Variants in FRYL observed in about 807,000 individuals in gnomAD.
FRYL encodes the protein FRY like transcription coactivator.
A neutral mutation model predicts 351.2 loss-of-function variants in FRYL; 150 were observed. The ratio of observed to expected loss-of-function variants is 0.43; its 90% confidence interval spans 0.37 to 0.49. The LOEUF is 0.49. Ranked by LOEUF, FRYL falls within the 20% of genes least tolerant of loss-of-function variation. The probability of loss-of-function intolerance (pLI) is 0.00; values close to 1 mark genes in which losing one functional copy is unlikely to be tolerated. For missense variants in FRYL, 3,036 were observed against 3,619.3 expected, an observed-to-expected ratio of 0.84 and a Z score of 4.13; for synonymous variants, 1,153 against 1,257.1, an observed-to-expected ratio of 0.92 and a Z score of 1.75.
chr4:48,759,981 A>T (rs1774233777), intron 1 of FRYL, among the ~76,000 whole-genome samples: 1 of 152,216 alleles, frequency 6.6e-6, no homozygotes, highest in Non-Finnish European at 1.5e-5. Context: ...GCACTATGTT[A>T]TGTGCATCCT....
Position 48,549,368 on chromosome 4 carries a change from T to C in FRYL, c.4784+105A>G. 2 of 970,156 alleles carry C rather than the reference T, an allele frequency of 2.1e-6. No homozygotes were observed. Among genetic ancestry groups the C allele is most frequent in the Admixed American group, 2.9e-5 (1 of 34,222 alleles). 60.1% of individuals were successfully genotyped at this position (970,156 alleles called of 1,614,324 possible). The stretch of plus-strand genomic sequence containing the variant: ...ATTGATCTGTGTTGCAGTATCTCCA[T>C]AAAGAAGATTGCTTTCATTCTGTGT... On this transcript the variant is annotated intron_variant, in intron 39 of 63. Transcript: ENST00000358350. The surrounding 1 kb of genome is among the most constrained non-coding windows in gnomAD (Gnocchi z 4.2).
chr4:48,626,401 G>A (rs1307967419), intron 4 of FRYL, among the ~76,000 whole-genome samples: 1 of 151,924 alleles, frequency 6.6e-6, no homozygotes, highest in African/African-American at 2.4e-5. Context: ...TTTTTGTTCT[G>A]TTAAACAAAA....
At chr4:48,592,216 C>A (rs1266397934) in intron 16 of FRYL, among the ~76,000 whole-genome samples, 1 of 151,300 alleles carries the variant, frequency 6.6e-6, no homozygotes, top group Non-Finnish European at 1.5e-5. Flanking sequence ...TCACATGTCA[C>A]ATAGTCAAAG....
intron 3 of FRYL, among the ~76,000 whole-genome samples, chr4:48,650,918 G>A (rs994870152): frequency 3.9e-5 from 6 of 152,144 alleles, no homozygotes; most frequent in African/African-American, 7.2e-5. Context: ...GTCAAGGACC[G>A]AAAGGGGTTG....
intron 1 of FRYL, among the ~76,000 whole-genome samples, chr4:48,712,175 C>A (rs187129952): frequency 1.3e-5 from 2 of 152,160 alleles, no homozygotes; most frequent in East Asian, 1.9e-4. Context: ...CCTCCTCCAA[C>A]GGAACGCAGT....
At chr4:48,771,915 A>G (rs1423160176) in intron 1 of FRYL, among the ~76,000 whole-genome samples, 1 of 152,250 alleles carries the variant, frequency 6.6e-6, no homozygotes, top group African/African-American at 2.4e-5. Flanking sequence ...AACAGTTAAC[A>G]ATAAAGTAAT....
At chr4:48,775,404 A>C (rs1253435016) in intron 1 of FRYL, among the ~76,000 whole-genome samples, 1 of 152,222 alleles carries the variant, frequency 6.6e-6, no homozygotes, top group Non-Finnish European at 1.5e-5. Context: ...CTATAGATGC[A>C]GTTCTCAAAA....
At chr4:48,580,418 A>G (rs1740636345) in intron 22 of FRYL, 1 of 157,230 alleles carries the variant, frequency 6.4e-6, no homozygotes, top group African/African-American at 2.4e-5. Context: ...ATAAAACACT[A>G]TGTACTTAAT....
intron 4 of FRYL, among the ~76,000 whole-genome samples, chr4:48,632,091 A>AAT (rs1560753223): frequency 5.6e-3 from 130 of 23,378 alleles, no homozygotes; most frequent in African/African-American, 0.013. Context: ...AAAAAAAAAA[A>AAT]ATATATATAT....
chr4:48,516,799 A>G (rs1723718916), intron 55 of FRYL, among the ~76,000 whole-genome samples: 1 of 152,194 alleles, frequency 6.6e-6, no homozygotes, highest in African/African-American at 2.4e-5. Context: ...AGTATGGTAA[A>G]TGTACGGTAA....
rs552315330 is a variant in FRYL, at chr4:48,674,456, G to A, written c.-81+10217C>T. On this transcript the variant is annotated intron_variant, in intron 3 of 63. Coordinates refer to ENST00000358350, the MANE Select transcript of FRYL (RefSeq NM_015030.2). Reference sequence around the variant, plus strand: ...TCATTTTGATTTCTTTATTAAGTAGGAATAGCAAATAAATGATTTCTCTTA... The same window carrying A: ...TCATTTTGATTTCTTTATTAAGTAGAAATAGCAAATAAATGATTTCTCTTA... Among the ~76,000 whole-genome samples the A allele has an allele frequency of 2.2e-4, 34 of 152,202 alleles. No homozygotes were observed. The South Asian group carries it at 4.4e-3, about 20-fold the overall frequency.
chr4:48,619,776 G>A (rs1750282544), intron 6 of FRYL, among the ~76,000 whole-genome samples: 1 of 152,122 alleles, frequency 6.6e-6, no homozygotes, highest in South Asian at 2.1e-4. Flanking sequence ...CAGATTACAA[G>A]CATAAGTCAC....
intron 2 of FRYL, among the ~76,000 whole-genome samples, chr4:48,694,638 T>C (rs1390704026): frequency 2.0e-5 from 3 of 152,228 alleles, no homozygotes; most frequent in Non-Finnish European, 4.4e-5. Context: ...ATACACAATA[T>C]AATATGATAT....
At chr4:48,606,682 CA>C in intron 9 of FRYL, 76 bp from the exon 10 acceptor site, 1 of 1,185,584 alleles carries the variant, frequency 8.4e-7, no homozygotes. Flanking sequence ...GGGTAAAAAT[CA>C]AAAGGTATGC....
intron 13 of FRYL, 48 bp from the exon 14 acceptor site, chr4:48,596,048 C>T (rs1744514205): frequency 8.3e-7 from 1 of 1,205,232 alleles, no homozygotes; most frequent in Admixed American, 2.2e-5. Flanking sequence ...CTTGCAATCA[C>T]TTAACAGCAA....
intron 1 of FRYL, among the ~76,000 whole-genome samples, chr4:48,733,114 A>G (rs1770920702): frequency 6.6e-6 from 1 of 151,836 alleles, no homozygotes; most frequent in African/African-American, 2.4e-5. Flanking sequence ...GTCTCTACTA[A>G]AAATACAAAA....
At chr4:48,746,347 A>T (rs1402469475) in intron 1 of FRYL, among the ~76,000 whole-genome samples, 2 of 151,960 alleles carry the variant, frequency 1.3e-5, no homozygotes, top group African/African-American at 4.8e-5. Flanking sequence ...TGGGCGGATC[A>T]CGAGGTCAGG....
At chr4:48,713,972 C>G (rs1276279313) in intron 1 of FRYL, among the ~76,000 whole-genome samples, 1 of 151,980 alleles carries the variant, frequency 6.6e-6, no homozygotes, top group Non-Finnish European at 1.5e-5. Flanking sequence ...GAAACTCACT[C>G]AAAACCGCTC....
intron 7 of FRYL, among the ~76,000 whole-genome samples, chr4:48,610,154 C>G (rs369494264): frequency 6.6e-6 from 1 of 152,100 alleles, no homozygotes; most frequent in Non-Finnish European, 1.5e-5. Context: ...GTAACACTTA[C>G]AGAAAAGCAC....
Sources: gnomAD v4.1 joint callset for allele counts (sites outside exome capture counted in the v4.1 genomes callset) on GRCh38, gnomAD v4.1.1 for gene constraint, Gnocchi (gnomAD v3.1) non-coding constraint, MANE v1.5 for transcripts, NCBI Gene and HGNC (gene_info 2026-07-23, HGNC 2026-07-21) for gene names.